Variants in TLK1 observed in about 807,000 individuals in gnomAD.
The protein encoded by TLK1 is serine/threonine-protein kinase tousled-like 1.
In TLK1, 24 loss-of-function variants were observed where a neutral mutation model predicts 105.3. The ratio of observed to expected loss-of-function variants is 0.23; its 90% CI spans 0.17 to 0.32. TLK1 has a LOEUF of 0.32. Ranked by LOEUF, TLK1 falls within the 10% of genes least tolerant of loss-of-function variation. TLK1 has a pLI of 1.00. For missense variants in TLK1, 558 were observed against 910.5 expected (o/e 0.61, Z 4.98); for synonymous variants, 321 against 310.4 (o/e 1.03, Z -0.36).
chr2:171,201,925 CTAT>C (rs1693406378), intron 1 of TLK1, among the ~76,000 whole-genome samples: 4 of 152,044 alleles, frequency 2.6e-5, no homozygotes, highest in Non-Finnish European at 5.9e-5. Context: ...ATCTATCTAT[CTAT>C]CTATCTATCT....
chr2:171,076,754 A>C (rs1688529177), intron 3 of TLK1, among the ~76,000 whole-genome samples: 1 of 142,944 alleles, frequency 7.0e-6, no homozygotes, highest in Non-Finnish European at 1.5e-5. Flanking sequence ...AAAAAAAAAA[A>C]TACAAAAAAA....
intron 1 of TLK1, among the ~76,000 whole-genome samples, chr2:171,156,955 T>C (rs566850836): frequency 3.3e-5 from 5 of 152,212 alleles, no homozygotes; most frequent in African/African-American, 9.6e-5. Flanking sequence ...CTCAGCCTCC[T>C]GAACCATGCC....
chr2:171,036,074 C>T (rs973389589), intron 11 of TLK1, among the ~76,000 whole-genome samples: 1 of 152,254 alleles, frequency 6.6e-6, no homozygotes, highest in African/African-American at 2.4e-5. Context: ...AAGTAGAATG[C>T]GCCTTTAATA....
chr2:171,006,430 ACTATACT>A, intron 17 of TLK1, 37 bp downstream of exon 17: 1 of 1,525,384 alleles, frequency 6.6e-7, no homozygotes, highest in South Asian at 1.3e-5. Flanking sequence ...ACTTTTAAAA[ACTATACT>A]CAAGTTTAAA....
chr2:171,039,304 C>T, intron 11 of TLK1, among the ~76,000 whole-genome samples: 1 of 152,172 alleles, frequency 6.6e-6, no homozygotes, highest in Non-Finnish European at 1.5e-5. Flanking sequence ...CTCACTCTGT[C>T]ACCCAGGCTG....
At chr2:171,181,281 C>T (rs1692924382) in intron 1 of TLK1, among the ~76,000 whole-genome samples, 1 of 152,140 alleles carries the variant, frequency 6.6e-6, no homozygotes, top group African/African-American at 2.4e-5. Flanking sequence ...TGAATCATTC[C>T]ATGTGCTTCA....
chr2:171,135,705 G>T (rs900504686), intron 1 of TLK1, among the ~76,000 whole-genome samples: 1 of 152,016 alleles, frequency 6.6e-6, no homozygotes, highest in African/African-American at 2.4e-5. Flanking sequence ...CAGAGGTTGG[G>T]GCAGGAGAAT....
At chr2:171,198,536 G>A (rs1478556195) in intron 1 of TLK1, among the ~76,000 whole-genome samples, 3 of 152,286 alleles carry the variant, frequency 2.0e-5, no homozygotes, top group Non-Finnish European at 4.4e-5. Context: ...GAGTGGATTT[G>A]GATAGATGTA....
At chr2:170,999,042 A>G (rs929209700) in intron 18 of TLK1, among the ~76,000 whole-genome samples, 5 of 152,260 alleles carry the variant, frequency 3.3e-5, no homozygotes, top group African/African-American at 4.8e-5. Flanking sequence ...CTAGGATTAC[A>G]GGCATGAGCC....
At chr2:171,226,569 C>T (rs1218652874) in intron 1 of TLK1, among the ~76,000 whole-genome samples, 1 of 152,174 alleles carries the variant, frequency 6.6e-6, no homozygotes, top group African/African-American at 2.4e-5. Context: ...TTAATAGAGG[C>T]TTGGGCATCT....
chr2:171,148,979 T>C (rs1410169838), intron 1 of TLK1, among the ~76,000 whole-genome samples: 1 of 149,978 alleles, frequency 6.7e-6, no homozygotes, highest in African/African-American at 2.5e-5. Context: ...GTTGCTTTAG[T>C]TGATTTTGTT....
chr2:171,160,760 G>A lies in TLK1; in HGVS notation c.-332C>T, dbSNP rs10188296. 0.012 allele frequency: 5,061 copies of A among 432,010 alleles called. 219 individuals are homozygous for A. The highest frequency in any genetic ancestry group is 0.093 in the African/African-American group (4,507 of 48,398). 26.8% of individuals were successfully genotyped at this position (432,010 alleles called of 1,614,324 possible). A position where few individuals can be genotyped will look rare whatever the true frequency, so the allele number is the denominator to read the frequency against. ...CGGGGTCGGAGCGCGGGCGGAGCGC[G>A]GGCTGCGCCGGCCGAGGACACTTCC... On this transcript the variant is annotated 5_prime_UTR_variant, in exon 1 of 21. Transcript: ENST00000431350. The surrounding 1 kb of genome is among the most constrained non-coding windows in gnomAD (Gnocchi z 4.4).
In TLK1 at chr2:170,993,668, TA is replaced by T. The variant is rs71008739; in HGVS notation, c.*111del. ...AAACAGTTCTTAACCACGTCTTGTG[TA>T]AAAAAAAAAAAAAAAAAAAAAGAAA... On this transcript the variant is annotated 3_prime_UTR_variant, in exon 21 of 21. Transcript: ENST00000431350. 0.021 allele frequency: 9,069 copies of T among 429,470 alleles called. No homozygotes were observed. Among genetic ancestry groups the T allele is most frequent in the East Asian group, 0.047 (717 of 15,150 alleles). The allele number at this position is 429,470 out of a possible 1,614,324, so 26.6% of individuals were successfully genotyped here. A position where few individuals can be genotyped will look rare whatever the true frequency, so the allele number is the denominator to read the frequency against.
At chr2:171,203,984 G>A (rs1035275842) in intron 1 of TLK1, among the ~76,000 whole-genome samples, 9 of 152,030 alleles carry the variant, frequency 5.9e-5, no homozygotes, top group Non-Finnish European at 1.2e-4. Flanking sequence ...CCGGTGGGGG[G>A]CAGAGCTTGC....
chr2:171,050,019 G>A (rs771561606), intron 9 of TLK1, 45 bp downstream of exon 9: 7 of 1,608,624 alleles, frequency 4.4e-6, no homozygotes, highest in Admixed American at 1.7e-5. Flanking sequence ...AAAGCAAAAG[G>A]GGCTAATGAA....
At chr2:171,178,608 C>T (rs939807050) in intron 1 of TLK1, among the ~76,000 whole-genome samples, 1 of 152,108 alleles carries the variant, frequency 6.6e-6, no homozygotes, top group East Asian at 1.9e-4. Context: ...ACCAAAGCAA[C>T]GAAGACATAT....
chr2:171,099,830 C>T (rs1287897789), intron 2 of TLK1, among the ~76,000 whole-genome samples: 2 of 152,266 alleles, frequency 1.3e-5, no homozygotes, highest in Non-Finnish European at 2.9e-5. Context: ...GGATTCCCTA[C>T]CTCATACCAT....
At chr2:171,159,494 C>G (rs889136391) in intron 1 of TLK1, 1 of 152,234 alleles carries the variant, frequency 6.6e-6, no homozygotes, top group African/African-American at 2.4e-5. Context: ...ACTTAGAAAA[C>G]AATTGTAACC....
At chr2:171,197,309 G>A (rs927333713) in intron 1 of TLK1, among the ~76,000 whole-genome samples, 1 of 152,126 alleles carries the variant, frequency 6.6e-6, no homozygotes, top group African/African-American at 2.4e-5. Flanking sequence ...AAAAGCATTT[G>A]AGGAAAAGGA....
Sources: allele counts gnomAD v4.1 joint callset (sites outside exome capture counted in the v4.1 genomes callset), GRCh38; gene constraint gnomAD v4.1.1; non-coding constraint Gnocchi (gnomAD v3.1); transcripts MANE v1.5; gene names NCBI Gene and HGNC (gene_info 2026-07-23, HGNC 2026-07-21).